Variants in ZBTB34 observed in about 807,000 individuals in gnomAD.
The protein encoded by ZBTB34 is zinc finger and BTB domain containing 34.
ZBTB34 carries 1 observed loss-of-function variant against 33.4 expected under a neutral mutation model. The ratio of observed to expected loss-of-function variants is 0.03; its 90% confidence interval spans 0.01 to 0.14. The LOEUF (loss-of-function observed/expected upper bound fraction) is 0.14. ZBTB34 is among the 10% of genes least tolerant of loss of function. ZBTB34 has a pLI of 1.00. For missense variants in ZBTB34, 406 were observed against 657.2 expected (o/e 0.62, Z 4.18); for synonymous variants, 283 against 253.5 (o/e 1.12, Z -1.11).
chr9:126,861,393 C>T (rs1482200329), intron 1 of ZBTB34, among the ~76,000 whole-genome samples: 1 of 152,206 alleles, frequency 6.6e-6, no homozygotes, highest in Non-Finnish European at 1.5e-5. Context: ...CAGGGCGGCA[C>T]TCGTCTGGGA....
At chr9:126,873,667 C>T (rs192677214) in intron 1 of ZBTB34, among the ~76,000 whole-genome samples, 28 of 152,124 alleles carry the variant, frequency 1.8e-4, no homozygotes, top group Middle Eastern at 3.4e-3. Flanking sequence ...TGCAATGGTG[C>T]GATCTCGGCT....
At chr9:126,876,128 C>T (rs1564224243) in intron 1 of ZBTB34, among the ~76,000 whole-genome samples, 1 of 122,500 alleles carries the variant, frequency 8.2e-6, no homozygotes, top group African/African-American at 3.1e-5. Flanking sequence ...GAAATGCAGA[C>T]ATCATGTTTC....
chr9:126,878,539 A>G (rs1019766831), intron 1 of ZBTB34, among the ~76,000 whole-genome samples: 6 of 152,010 alleles, frequency 3.9e-5, no homozygotes, highest in African/African-American at 1.4e-4. Flanking sequence ...AGCCAAAGCA[A>G]CCCAACCCAA....
intron 1 of ZBTB34, among the ~76,000 whole-genome samples, chr9:126,871,228 C>T (rs2033274907): frequency 6.7e-6 from 1 of 149,558 alleles, no homozygotes; most frequent in African/African-American, 2.5e-5. Flanking sequence ...GTGGGGGTGA[C>T]ATTCTGTGTT....
At chr9:126,865,065 T>C (rs2033183064) in intron 1 of ZBTB34, among the ~76,000 whole-genome samples, 1 of 152,214 alleles carries the variant, frequency 6.6e-6, no homozygotes, top group African/African-American at 2.4e-5. Context: ...ACTTCCAAAT[T>C]TGTAACTTTC....
At chr9:126,876,740 C>G (rs1242480740) in intron 1 of ZBTB34, among the ~76,000 whole-genome samples, 1 of 152,194 alleles carries the variant, frequency 6.6e-6, no homozygotes, top group East Asian at 1.9e-4. Flanking sequence ...TGTGCCTTGG[C>G]ACTTCTGTTT....
exon 2 of ZBTB34, chr9:126,884,792 T>C (rs1228363714): frequency 6.0e-6 from 1 of 167,070 alleles, no homozygotes; most frequent in Non-Finnish European, 1.5e-5. Flanking sequence ...GAGATCAATG[T>C]ATTTTATTTT....
intron 1 of ZBTB34, among the ~76,000 whole-genome samples, chr9:126,868,201 G>A (rs1437046888): frequency 1.3e-5 from 2 of 152,106 alleles, no homozygotes; most frequent in Non-Finnish European, 2.9e-5. Context: ...CTTGTGTGTT[G>A]TTGCAGAGCA....
intron 1 of ZBTB34, among the ~76,000 whole-genome samples, chr9:126,876,161 T>C (rs772729496): frequency 0.015 from 90 of 5,876 alleles, no homozygotes; most frequent in East Asian, 0.025. Flanking sequence ...TTCCCTTCCG[T>C]CCTTCCCCCC....
At chr9:126,869,593 G>A (rs1218843557) in intron 1 of ZBTB34, among the ~76,000 whole-genome samples, 1 of 152,122 alleles carries the variant, frequency 6.6e-6, no homozygotes, top group African/African-American at 2.4e-5. Context: ...GTGTGGGGGC[G>A]GCTGGGTGCC....
intron 1 of ZBTB34, among the ~76,000 whole-genome samples, chr9:126,875,345 A>G (rs751036204): frequency 4.6e-5 from 7 of 152,202 alleles, no homozygotes; most frequent in African/African-American, 1.4e-4. Context: ...TTGGACCACA[A>G]TGTTCTAGAT....
In ZBTB34 at chr9:126,880,054, A is replaced by G. The variant is rs778144722; in HGVS notation, c.655A>G (p.Ile219Val). The change falls in exon 2 of 2, where the codon ATA becomes GTA. Residue 219 changes from isoleucine to valine, a missense_variant. By Grantham distance (29) the Ile-to-Val change is conservative (BLOSUM62 3). This residue lies in a region of ZBTB34 where 137 missense variants were observed against 173.0 expected (regional missense o/e 0.79). Transcript: ENST00000319119. This position sits in a 1 kb window ranked among gnomAD's most constrained non-coding sequence, Gnocchi z 6.7. The stretch of plus-strand genomic sequence containing the variant: ...GAGCGTTTCTGAATATGAGATTCAG[A>G]TAGAGGGAGACCATGAGCAAGGAGA... 3.7e-6 allele frequency: 6 copies of G among 1,613,596 alleles called. No individual in the cohort carries two copies. Among genetic ancestry groups the G allele is most frequent in the East Asian group, 2.2e-5 (1 of 44,888 alleles).
At chr9:126,875,737 A>T in intron 1 of ZBTB34, among the ~76,000 whole-genome samples, 1 of 152,192 alleles carries the variant, frequency 6.6e-6, no homozygotes, top group Non-Finnish European at 1.5e-5. Flanking sequence ...TGCATATTAT[A>T]TCTGCATGTA....
intron 1 of ZBTB34, among the ~76,000 whole-genome samples, chr9:126,877,683 C>G (rs890868314): frequency 6.6e-6 from 1 of 152,204 alleles, no homozygotes; most frequent in Admixed American, 6.5e-5. Flanking sequence ...CCCTTTCACT[C>G]TTGTTGTCTA....
At chr9:126,861,419 C>A (rs768436916) in intron 1 of ZBTB34, among the ~76,000 whole-genome samples, 6 of 152,202 alleles carry the variant, frequency 3.9e-5, no homozygotes, top group Admixed American at 2.0e-4. Context: ...TGTCTTGAGG[C>A]CTTCCGCAAG....
At chr9:126,863,033 C>T (rs1365319600) in intron 1 of ZBTB34, among the ~76,000 whole-genome samples, 1 of 151,992 alleles carries the variant, frequency 6.6e-6, no homozygotes, top group Admixed American at 6.5e-5. Context: ...GTGCAGAAAG[C>T]ACAAAACGAA....
chr9:126,871,952 C>T (rs978045866), intron 1 of ZBTB34, among the ~76,000 whole-genome samples: 2 of 150,590 alleles, frequency 1.3e-5, no homozygotes, highest in African/African-American at 4.9e-5. Context: ...CCTGTCTCTA[C>T]AAATTTTTTT....
chr9:126,882,291 T>C (rs1333173335), exon 2 of ZBTB34: 1 of 167,058 alleles, frequency 6.0e-6, no homozygotes, highest in Non-Finnish European at 1.5e-5. Flanking sequence ...TCAGTATAGT[T>C]GTAGAAAATG....
intron 1 of ZBTB34, among the ~76,000 whole-genome samples, chr9:126,874,442 A>G (rs2033327732): frequency 6.6e-6 from 1 of 152,052 alleles, no homozygotes; most frequent in African/African-American, 2.4e-5. Context: ...TTAGATATAT[A>G]AAAGTTGTAT....
Sources: allele counts gnomAD v4.1 joint callset (sites outside exome capture counted in the v4.1 genomes callset), GRCh38; gene constraint gnomAD v4.1.1; regional missense constraint gnomAD v4.1.1; non-coding constraint Gnocchi (gnomAD v3.1); transcripts MANE v1.5; gene names NCBI Gene and HGNC (gene_info 2026-07-23, HGNC 2026-07-21).